ADCK2: variants seen among roughly 807,000 people sequenced by gnomAD.
ADCK2 encodes the protein uncharacterized aarF domain-containing protein kinase 2.
Under a neutral mutation model 52.3 loss-of-function variants are expected in ADCK2, and 37 were observed. The observed-to-expected ratio is 0.71, with a 90% confidence interval of 0.54 to 0.93. The LOEUF (loss-of-function observed/expected upper bound fraction) is 0.93, where lower values mean the gene tolerates loss of function less well. Ranked by LOEUF, ADCK2 falls within the 40% of genes least tolerant of loss-of-function variation. The probability of loss-of-function intolerance (pLI) is 0.00; values close to 1 mark genes in which losing one functional copy is unlikely to be tolerated. For synonymous variants in ADCK2, 321 were observed against 349.2 expected (o/e 0.92, Z 0.90); for missense variants, 695 against 798.7 (o/e 0.87, Z 1.56).
chr7:140,673,289 T>C lies in ADCK2; in HGVS notation c.-42T>C, dbSNP rs1239400570. Reference sequence around the variant, plus strand: ...GCAGCCTCGCCTGAGCGGGCGCCTCTGAAGTGGAGGGCGGGCCGCCTGGGC... The same window carrying C: ...GCAGCCTCGCCTGAGCGGGCGCCTCCGAAGTGGAGGGCGGGCCGCCTGGGC... On this transcript the variant is annotated 5_prime_UTR_variant, in exon 1 of 8. Transcript: ENST00000072869. The surrounding 1 kb of genome is among the most constrained non-coding windows in gnomAD (Gnocchi z 6.4). The C allele has an allele frequency of 1.5e-5, 21 of 1,410,908 alleles. No homozygotes were observed. The highest frequency in any genetic ancestry group is 1.8e-5 in the Non-Finnish European group (19 of 1,082,154). 87.4% of individuals were successfully genotyped at this position (1,410,908 alleles called of 1,614,324 possible). A position where few individuals can be genotyped will look rare whatever the true frequency, so the allele number is the denominator to read the frequency against.
At chr7:140,686,023 A>G (rs1397718969) in intron 4 of ADCK2, among the ~76,000 whole-genome samples, 2 of 152,214 alleles carry the variant, frequency 1.3e-5, no homozygotes, top group African/African-American at 4.8e-5. Context: ...CTCTGTGTGC[A>G]TGTGGCTGCT....
rs1563209689 is a variant in ADCK2, at chr7:140,687,209, CGGGCAGTTTTCAT to C, written c.1528_1540del (p.Ala510LeufsTer3). ...GCAGGCCCCTGACCTGAGGAATTTC[CGGGCAGTTTTCAT>C]GGCTGTGGTGATGGGGCAGGTGAGA... On this transcript the variant is annotated frameshift_variant, in exon 5 of 8. Coordinates refer to ENST00000072869, the MANE Select transcript of ADCK2 (RefSeq NM_052853.4). LOFTEE classifies it high-confidence loss of function. The C allele has an allele frequency of 6.3e-7, 1 of 1,579,118 alleles. No homozygotes were observed. Among genetic ancestry groups the C allele is most frequent in the Admixed American group, 1.8e-5 (1 of 54,552 alleles).
At chr7:140,692,228 G>A (rs1794721506) in intron 7 of ADCK2, among the ~76,000 whole-genome samples, 3 of 152,092 alleles carry the variant, frequency 2.0e-5, no homozygotes, top group Admixed American at 2.0e-4. Flanking sequence ...CCACCATGCT[G>A]TTTTACGTTT....
chr7:140,691,337 G>C (rs1273515729), intron 7 of ADCK2, among the ~76,000 whole-genome samples: 2 of 152,234 alleles, frequency 1.3e-5, no homozygotes, highest in Non-Finnish European at 2.9e-5. Flanking sequence ...ACATTTAAAT[G>C]TAGAAAAGTG....
chr7:140,673,576 GA>G lies in ADCK2; in HGVS notation c.247del (p.Ser83AlafsTer26). 6.2e-7 allele frequency: 1 copy of G among 1,603,156 alleles called. No individual in the cohort carries two copies. The highest frequency in any genetic ancestry group is 8.5e-7 in the Non-Finnish European group (1 of 1,178,386). ...GGGCGGCTGGCGCGGGGCCCGCGGA[GA>G]GCCTCCCCCGAGCGGGACCTCTGGG... ...SGAAGAGPAE[S>X]LPRAGPLGGV... is the part of the protein sequence containing the mutation. On this transcript the variant is annotated frameshift_variant, in exon 1 of 8. Transcript: ENST00000072869. LOFTEE classifies it high-confidence loss of function. The surrounding 1 kb of genome is among the most constrained non-coding windows in gnomAD (Gnocchi z 6.4).
At chr7:140,689,567 TC>T (rs1184349928) in intron 5 of ADCK2, 29 bp from the exon 6 acceptor site, 1 of 1,574,198 alleles carries the variant, frequency 6.4e-7, no homozygotes, top group Non-Finnish European at 8.7e-7. Context: ...CTAGCTCCAC[TC>T]CAAGTCCCTT....
In ADCK2 at chr7:140,678,880, G is replaced by A. The variant is rs796713158; in HGVS notation, c.1081-275G>A. Among the ~76,000 whole-genome samples the A allele has an allele frequency of 1.3e-5, 2 of 152,310 alleles. No individual in the cohort carries two copies. Among genetic ancestry groups the A allele is most frequent in the African/African-American group, 4.8e-5 (2 of 41,576 alleles). ...TCATGGGCTGGTGTGAGGCAGGCGGGTGGCAAGGGCGAGAGTAGCAGAGAA... is the reference window on the plus strand; with the variant it reads ...TCATGGGCTGGTGTGAGGCAGGCGGATGGCAAGGGCGAGAGTAGCAGAGAA... On this transcript the variant is annotated intron_variant, in intron 2 of 7. Transcript: ENST00000072869. This position sits in a 1 kb window ranked among gnomAD's most constrained non-coding sequence, Gnocchi z 4.9.
intron 5 of ADCK2, among the ~76,000 whole-genome samples, chr7:140,688,240 C>T (rs144633866): frequency 3.1e-3 from 465 of 152,250 alleles, no homozygotes; most frequent in Middle Eastern, 0.01. Flanking sequence ...GATGGGGTTT[C>T]ACCATGTTGG....
chr7:140,683,282 T>TAAACAAAC (rs3048843), intron 4 of ADCK2, among the ~76,000 whole-genome samples: 4 of 152,042 alleles, frequency 2.6e-5, no homozygotes, highest in Non-Finnish European at 5.9e-5. Flanking sequence ...AGACTCCGTC[T>TAAACAAAC]AAACAAACAA....
At chr7:140,681,615 C>A (rs949754157) in intron 4 of ADCK2, among the ~76,000 whole-genome samples, 1 of 151,764 alleles carries the variant, frequency 6.6e-6, no homozygotes, top group Non-Finnish European at 1.5e-5. Flanking sequence ...CCACCACACC[C>A]GGCCTTTTTT....
intron 2 of ADCK2, among the ~76,000 whole-genome samples, chr7:140,677,459 C>T (rs548333558): frequency 1.3e-5 from 2 of 151,882 alleles, no homozygotes; most frequent in African/African-American, 4.8e-5. Context: ...GTCCTGTATC[C>T]CCGGATTCAA....
At chr7:140,680,238 T>C (rs1794493640) in intron 3 of ADCK2, among the ~76,000 whole-genome samples, 1 of 151,776 alleles carries the variant, frequency 6.6e-6, no homozygotes, top group Non-Finnish European at 1.5e-5. Flanking sequence ...CTCCACCTCC[T>C]GGGCTCAAGT....
rs1192870100 is a variant in ADCK2 at position 140,690,894 on chromosome 7, G to A, written c.1740+81G>A. The A allele has an allele frequency of 2.3e-6, 3 of 1,281,658 alleles. No individual in the cohort carries two copies. In the East Asian group the frequency reaches 7.0e-5, roughly 30 times the overall value. 79.4% of individuals were successfully genotyped at this position (1,281,658 alleles called of 1,614,324 possible). On this transcript the variant is annotated intron_variant, in intron 7 of 7. Coordinates refer to ENST00000072869, the MANE Select transcript of ADCK2 (RefSeq NM_052853.4). ...ATGGGAGGACACAGGGTGGTGGGAGGCGCTTCTATTATATGGTTCTTGTTT... is the reference window on the plus strand; with the variant it reads ...ATGGGAGGACACAGGGTGGTGGGAGACGCTTCTATTATATGGTTCTTGTTT...
At chr7:140,687,314 T>G in intron 5 of ADCK2, 73 bp downstream of exon 5, 1 of 1,481,592 alleles carries the variant, frequency 6.7e-7, no homozygotes, top group Non-Finnish European at 9.0e-7. Context: ...GCATGGTGGC[T>G]CAGACCTGTA....
chr7:140,688,294 T>C (rs974582744), intron 5 of ADCK2, among the ~76,000 whole-genome samples: 3 of 152,146 alleles, frequency 2.0e-5, no homozygotes, highest in African/African-American at 7.2e-5. Context: ...TCCACCTGCC[T>C]CAGCCTCCCA....
Position 140,689,717 on chromosome 7 carries a change from C to G in ADCK2, c.1678C>G (p.Leu560Val), listed in dbSNP as rs1188859331. ...CCAGGCCAGGAAGAACACCATCACC[C>G]TGGAGAAGGTGGGCAGGTCACTTGC... ...VTQARKNTIT[L>V]EKLHVSSLLS... The change falls in exon 6 of 8, where the codon CTG becomes GTG. Residue 560 changes from leucine to valine, a missense_variant. Physicochemically the swap from Leu to Val is conservative, Grantham distance 32. Transcript: ENST00000072869. The G allele has an allele frequency of 1.9e-6, 3 of 1,611,368 alleles. No homozygotes were observed. Among genetic ancestry groups the G allele is most frequent in the Admixed American group, 1.7e-5 (1 of 59,826 alleles).
chr7:140,692,242 T>C (rs1250941712), intron 7 of ADCK2, among the ~76,000 whole-genome samples: 1 of 152,170 alleles, frequency 6.6e-6, no homozygotes, highest in Non-Finnish European at 1.5e-5. Context: ...TACGTTTCCA[T>C]GATTTTGGCT....
chr7:140,685,570 GC>G (rs1490628058), intron 4 of ADCK2, among the ~76,000 whole-genome samples: 2 of 152,130 alleles, frequency 1.3e-5, no homozygotes, highest in East Asian at 1.9e-4. Context: ...GCAGGTCCCA[GC>G]CCCCCAGGTC....
rs745847746 is a variant in ADCK2 at position 140,674,084 on chromosome 7, G to C, written c.754G>C (p.Glu252Gln). ...TACTGGGGCAGTCGGTGGGCTGAGAGAGCTCTTTGGATACCTTGGAAATGG... is the reference window on the plus strand; with the variant it reads ...TACTGGGGCAGTCGGTGGGCTGAGACAGCTCTTTGGATACCTTGGAAATGG... ...SHTGAVGGLRELFGYLGNGRK... is the reference protein window; with the variant it reads ...SHTGAVGGLRQLFGYLGNGRK... Residue 252 changes from glutamate (E) to glutamine (Q), a missense_variant, in exon 1 of 8, where the codon GAG becomes CAG. Transcript: ENST00000072869. This position sits in a 1 kb window ranked among gnomAD's most constrained non-coding sequence, Gnocchi z 4.6. 2 of 1,614,132 alleles carry C rather than the reference G, an allele frequency of 1.2e-6. No individual in the cohort carries two copies. Among genetic ancestry groups the C allele is most frequent in the East Asian group, 4.5e-5 (2 of 44,874 alleles).
Sources: allele counts gnomAD v4.1 joint callset (sites outside exome capture counted in the v4.1 genomes callset), GRCh38; gene constraint gnomAD v4.1.1; non-coding constraint Gnocchi (gnomAD v3.1); transcripts MANE v1.5; gene names NCBI Gene and HGNC (gene_info 2026-07-23, HGNC 2026-07-21).